NCAM2: variants seen among roughly 807,000 people sequenced by gnomAD.
NCAM2 encodes the protein N-CAM-2.
In NCAM2, 30 loss-of-function variants were observed where a neutral mutation model predicts 98.1. The observed-to-expected ratio is 0.31, with a 90% CI of 0.23 to 0.41. NCAM2 has a LOEUF of 0.41. Among genes scored for constraint, NCAM2 ranks in the 10% least tolerant of loss-of-function variants. NCAM2 has a pLI of 1.00. For missense variants in NCAM2, 867 were observed against 1,005.8 expected (o/e 0.86, Z 1.87); for synonymous variants, 368 against 342.4 (o/e 1.07, Z -0.83).
In NCAM2 at chr21:21,410,437, T is replaced by A; in HGVS notation, c.1359T>A (p.Ser453Arg). The A allele has an allele frequency of 6.4e-7, 1 of 1,567,004 alleles. No individual in the cohort carries two copies. Among genetic ancestry groups the A allele is most frequent in the Non-Finnish European group, 8.6e-7 (1 of 1,157,564 alleles). ...AKNTTNLKTYSTGRKMILEIA... is the reference protein window; with the variant it reads ...AKNTTNLKTYRTGRKMILEIA... ...ACACGACCAATTTAAAGACTTATAGTACAGGAAGAAAGATGATATTAGAGG... is the reference window on the plus strand; with the variant it reads ...ACACGACCAATTTAAAGACTTATAGAACAGGAAGAAAGATGATATTAGAGG... The change falls in exon 10 of 18, where the codon AGT (serine) becomes AGA (arginine). Residue 453 changes from serine to arginine, a missense_variant. Around this residue, in one of 5 missense-constraint regions of NCAM2, gnomAD observed 56 missense variants for 39.6 expected, o/e 1.41. Coordinates refer to ENST00000400546, the MANE Select transcript of NCAM2 (RefSeq NM_004540.5).
intron 1 of NCAM2, among the ~76,000 whole-genome samples, chr21:21,197,704 G>T (rs573318479): frequency 6.6e-6 from 1 of 152,240 alleles, no homozygotes; most frequent in African/African-American, 2.4e-5. Context: ...TCTTATGAAG[G>T]ATAAGCCTTA....
chr21:21,163,624 T>G (rs543823614), intron 1 of NCAM2, among the ~76,000 whole-genome samples: 4 of 152,266 alleles, frequency 2.6e-5, no homozygotes, highest in East Asian at 1.9e-4. Flanking sequence ...TTCTGTACAG[T>G]TACCAACATG....
intron 1 of NCAM2, among the ~76,000 whole-genome samples, chr21:21,075,977 C>T (rs2065672441): frequency 6.6e-6 from 1 of 151,806 alleles, no homozygotes; most frequent in Admixed American, 6.6e-5. Flanking sequence ...ATTAGCCAGG[C>T]ATGGTGGCAT....
Position 21,432,206 on chromosome 21 carries a change from A to G in NCAM2, c.1579A>G (p.Ile527Val), listed in dbSNP as rs777604334. The change falls in exon 12 of 18, where the codon ATT becomes GTT. Residue 527 changes from isoleucine (I) to valine (V), a missense_variant. By Grantham distance (29) the Ile-to-Val change is conservative. Transcript: ENST00000400546. Reference protein sequence around the residue: ...NKPDSHGGVPIHHYQVDVKEV... With the variant: ...NKPDSHGGVPVHHYQVDVKEV... ...ACCGGACTCCCATGGAGGTGTACCT[A>G]TTCATCACTATCAGGTGGATGTCAA... 5 of 1,614,102 alleles carry G rather than the reference A, an allele frequency of 3.1e-6. No individual in the cohort carries two copies. The highest frequency in any genetic ancestry group is 4.2e-6 in the Non-Finnish European group (5 of 1,179,982).
At chr21:21,442,620 C>T (rs232415) in intron 12 of NCAM2, among the ~76,000 whole-genome samples, 8,911 of 151,890 alleles carry the variant, frequency 0.059, 898 homozygotes, top group African/African-American at 0.2. Context: ...CATTTGGATG[C>T]TTAAAGTCAG....
rs757394685 is a variant in NCAM2, at chr21:21,284,144, C to T, written c.131-50C>T. 3 of 1,443,020 alleles carry T rather than the reference C, an allele frequency of 2.1e-6. No individual in the cohort carries two copies. The African/African-American group carries it at 4.2e-5, about 20-fold the overall frequency. The allele number at this position is 1,443,020 out of a possible 1,614,324, so 89.4% of individuals were successfully genotyped here. On this transcript the variant is annotated intron_variant, in intron 2 of 17. Coordinates refer to ENST00000400546, the MANE Select transcript of NCAM2 (RefSeq NM_004540.5). ...ATAATAGTAAATGCCAATGTTCAAA[C>T]AAATATTTTTAACAATTTTCAAACC...
chr21:21,241,770 A>G (rs748792718), intron 1 of NCAM2, among the ~76,000 whole-genome samples: 10 of 151,834 alleles, frequency 6.6e-5, no homozygotes, highest in Non-Finnish European at 1.3e-4. Context: ...TCTGAGTTCC[A>G]TGTTGACCAG....
chr21:21,424,068 C>T (rs1364769684), intron 11 of NCAM2, among the ~76,000 whole-genome samples: 6 of 152,158 alleles, frequency 3.9e-5, no homozygotes, highest in Admixed American at 6.5e-5. Flanking sequence ...AATATAACGG[C>T]AGGATTCTTT....
At chr21:21,348,296 G>A (rs1229867347) in intron 8 of NCAM2, among the ~76,000 whole-genome samples, 1 of 152,018 alleles carries the variant, frequency 6.6e-6, no homozygotes, top group Non-Finnish European at 1.5e-5. Context: ...AAAATCAGTA[G>A]CATTTTTATA....
At chr21:21,225,574 G>T (rs993267061) in intron 1 of NCAM2, among the ~76,000 whole-genome samples, 1 of 151,814 alleles carries the variant, frequency 6.6e-6, no homozygotes, top group Non-Finnish European at 1.5e-5. Context: ...TATTACAGGG[G>T]TCAGAATATG....
At chr21:21,053,938 G>A (rs114609459) in intron 1 of NCAM2, among the ~76,000 whole-genome samples, 2 of 57,272 alleles carry the variant, frequency 3.5e-5, no homozygotes, top group African/African-American at 8.9e-5. Flanking sequence ...TTAGGATTAA[G>A]CTATTCTTTT....
At chr21:21,350,446 A>G (rs1028185347) in intron 8 of NCAM2, among the ~76,000 whole-genome samples, 4 of 152,100 alleles carry the variant, frequency 2.6e-5, no homozygotes, top group Admixed American at 1.3e-4. Context: ...TGATAGAATT[A>G]TATTATTTCA....
Position 21,335,674 on chromosome 21 carries a change from T to G in NCAM2, c.898+9T>G, listed in dbSNP as rs746173776. 6.3e-7 allele frequency: 1 copy of G among 1,589,936 alleles called. No individual in the cohort carries two copies. The highest frequency in any genetic ancestry group is 1.1e-5 in the South Asian group (1 of 87,110). ...TTTCCTCCAAGTCTTTGGTAAGTAT[T>G]ATAGCATAGTGGCTAAAACTGTTAT... On this transcript the variant is annotated intron_variant, in intron 7 of 17. Transcript: ENST00000400546.
chr21:21,001,818 C>T (rs1369715966), intron 1 of NCAM2, among the ~76,000 whole-genome samples: 1 of 152,128 alleles, frequency 6.6e-6, no homozygotes, highest in Non-Finnish European at 1.5e-5. Flanking sequence ...GGGTGAATTG[C>T]CCAGTTGATC....
At chr21:21,511,808 A>G (rs1009867732) in intron 16 of NCAM2, among the ~76,000 whole-genome samples, 3 of 151,856 alleles carry the variant, frequency 2.0e-5, no homozygotes, top group East Asian at 1.9e-4. Context: ...GGATGAGATG[A>G]TATCTTATTA....
intron 8 of NCAM2, among the ~76,000 whole-genome samples, chr21:21,340,338 T>C (rs1453811327): frequency 6.6e-6 from 1 of 151,980 alleles, no homozygotes; most frequent in African/African-American, 2.4e-5. Flanking sequence ...GAATGAAAGA[T>C]AAATTATACT....
At chr21:21,254,305 G>A (rs2071581142) in intron 1 of NCAM2, among the ~76,000 whole-genome samples, 1 of 152,178 alleles carries the variant, frequency 6.6e-6, no homozygotes, top group African/African-American at 2.4e-5. Flanking sequence ...TTTGACTGAA[G>A]TTACACAGCT....
intron 9 of NCAM2, among the ~76,000 whole-genome samples, chr21:21,390,139 C>T (rs543787820): frequency 2.8e-4 from 42 of 152,232 alleles, no homozygotes; most frequent in South Asian, 1.2e-3. Flanking sequence ...CGAGCCACCG[C>T]GCCACCTGGC....
intron 1 of NCAM2, among the ~76,000 whole-genome samples, chr21:21,250,629 A>G (rs1350896953): frequency 4.6e-5 from 7 of 152,166 alleles, no homozygotes; most frequent in Admixed American, 4.6e-4. Flanking sequence ...CAGAAGTCAT[A>G]TGTTTTTTTC....
Sources: allele counts gnomAD v4.1 joint callset (sites outside exome capture counted in the v4.1 genomes callset), GRCh38; gene constraint gnomAD v4.1.1; regional missense constraint gnomAD v4.1.1; transcripts MANE v1.5; gene names NCBI Gene and HGNC (gene_info 2026-07-23, HGNC 2026-07-21).